The following LAMA5 variants were observed in gnomAD, a reference collection of about 807,000 sequenced individuals.
LAMA5 encodes the protein laminin subunit alpha 5.
A neutral mutation model predicts 433.4 loss-of-function variants in LAMA5; 260 were observed. The ratio of observed to expected loss-of-function variants is 0.60; its 90% CI spans 0.54 to 0.66. LAMA5 has a LOEUF of 0.66. Ranked by LOEUF, LAMA5 falls within the 30% of genes least tolerant of loss-of-function variation. LAMA5 has a pLI of 0.00. For synonymous variants in LAMA5, 2,620 were observed against 2,226.6 expected, an observed-to-expected ratio of 1.18 and a Z score of -4.97; for missense variants, 5,378 against 5,258.5, an observed-to-expected ratio of 1.02 and a Z score of -0.70.
In LAMA5 at chr20:62,310,765, TGGCTCCAGGCCCG is replaced by T. The variant is rs1238045449; in HGVS notation, c.10333_10345del (p.Ala3446ArgfsTer34). The T allele has an allele frequency of 6.4e-7, 1 of 1,563,966 alleles. No individual in the cohort carries two copies. The highest frequency in any genetic ancestry group is 1.4e-5 in the African/African-American group (1 of 73,844). ...CTGGTGCTGCCGGTGCGGCCCCTCC[TGGCTCCAGGCCCG>T]GGCCCCGTCCGTCACCAGCAGGATC... On this transcript the variant is annotated frameshift_variant, in exon 75 of 80. Coordinates refer to ENST00000252999, the MANE Select transcript of LAMA5 (RefSeq NM_005560.6). LOFTEE classifies it high-confidence loss of function.
Position 62,318,853 on chromosome 20 carries a change from T to G in LAMA5, c.7032A>C (p.Ala2344=). 1 of 1,610,266 alleles carries G rather than the reference T, an allele frequency of 6.2e-7. No homozygotes were observed. The highest frequency in any genetic ancestry group is 1.7e-5 in the Admixed American group (1 of 59,896). The change falls in exon 52 of 80, where the codon GCA becomes GCC. Residue 2344 remains alanine, a synonymous_variant. Transcript: ENST00000252999. The part of the protein sequence containing the change: ...PQAAAEAELA[A]AQRLLARVQE... Reference sequence around the variant, plus strand: ...GACAACACCACTCACATCTCTGTGCTGCAGCCAACTCAGCCTCAGCTGCTG... The same window carrying G: ...GACAACACCACTCACATCTCTGTGCGGCAGCCAACTCAGCCTCAGCTGCTG...
chr20:62,365,369 A>AT (rs1243051258), intron 1 of LAMA5, among the ~76,000 whole-genome samples: 1 of 152,224 alleles, frequency 6.6e-6, no homozygotes, highest in East Asian at 1.9e-4. Flanking sequence ...GGGAAGCCAC[A>AT]CAGCTGAGGC....
chr20:62,317,395 G>A lies in LAMA5; in HGVS notation c.7461C>T (p.Ala2487=), dbSNP rs758018323. The A allele has an allele frequency of 2.6e-5, 42 of 1,610,070 alleles. No homozygotes were observed. Among genetic ancestry groups the A allele is most frequent in the Middle Eastern group, 1.7e-4 (1 of 6,012 alleles). ...PAGSKLRLVE[A]AEAHAQQLGQ... The stretch of plus-strand genomic sequence containing the variant: ...CCAGCTGCTGTGCGTGGGCCTCGGC[G>A]GCCTCCACTAGACGCAGCTTGCTGC... The change falls in exon 55 of 80, where the codon GCC becomes GCT. Residue 2487 remains alanine (A), a synonymous_variant. Coordinates refer to ENST00000252999, the MANE Select transcript of LAMA5 (RefSeq NM_005560.6).
In LAMA5 at chr20:62,309,110, A is replaced by C. The variant is rs747774573; in HGVS notation, c.*226T>G. 62 of 605,032 alleles carry C rather than the reference A, an allele frequency of 1.0e-4. 1 individual carries two copies. The highest frequency in any genetic ancestry group is 1.5e-4 in the Non-Finnish European group (52 of 357,880). 37.5% of individuals were successfully genotyped at this position (605,032 alleles called of 1,614,324 possible). The stretch of plus-strand genomic sequence containing the variant: ...AATTTTTAAGGAGGAACCAGTGATG[A>C]TTGGTGACAAATCTCTCACAATTAA... On this transcript the variant is annotated 3_prime_UTR_variant, in exon 80 of 80. Coordinates refer to ENST00000252999, the MANE Select transcript of LAMA5 (RefSeq NM_005560.6).
At chr20:62,352,408 T>C (rs1453478008) in intron 3 of LAMA5, 48 bp from the exon 4 acceptor site, 1 of 1,497,562 alleles carries the variant, frequency 6.7e-7, no homozygotes, top group Non-Finnish European at 9.1e-7. Context: ...CAGAAAAGCC[T>C]GGGTCCCCGC....
chr20:62,362,608 C>T, intron 1 of LAMA5, 56 bp from the exon 2 acceptor site: 1 of 1,387,330 alleles, frequency 7.2e-7, no homozygotes, highest in East Asian at 2.8e-5. Context: ...CCCCTTCCTC[C>T]TCCACAGTCA....
chr20:62,314,588 C>A lies in LAMA5; in HGVS notation c.8334G>T (p.Glu2778Asp), dbSNP rs367967466. ...GPEPEPGQGTEDRFVMYMGSR... is the reference protein window; with the variant it reads ...GPEPEPGQGTDDRFVMYMGSR... The stretch of plus-strand genomic sequence containing the variant: ...TGCCCATGTACATCACAAAGCGATC[C>A]TCGGTACCCTGCCCAGGCTCAGGCT... The change falls in exon 61 of 80, where the codon GAG becomes GAT. Residue 2778 changes from glutamate (E) to aspartate (D), a missense_variant. Transcript: ENST00000252999. 1 of 1,611,744 alleles carries A rather than the reference C, an allele frequency of 6.2e-7. No individual in the cohort carries two copies. The highest frequency in any genetic ancestry group is 1.3e-5 in the African/African-American group (1 of 74,912).
chr20:62,320,822 G>C lies in LAMA5; in HGVS notation c.6565C>G (p.His2189Asp). 6.2e-7 allele frequency: 1 copy of C among 1,612,668 alleles called. No individual in the cohort carries two copies. Among genetic ancestry groups the C allele is most frequent in the Non-Finnish European group, 8.5e-7 (1 of 1,179,894 alleles). The change falls in exon 49 of 80, where the codon CAC (histidine) becomes GAC (aspartate). Residue 2189 changes from histidine to aspartate, a missense_variant. Physicochemically the swap from His to Asp is moderately conservative, Grantham distance 81 (BLOSUM62 -1). Coordinates refer to ENST00000252999, the MANE Select transcript of LAMA5 (RefSeq NM_005560.6). Reference protein sequence around the residue: ...ERAGALLPAIHEQLRGINASS... With the variant: ...ERAGALLPAIDEQLRGINASS... ...GCATTGATGCCACGCAGTTGCTCGT[G>C]AATGGCGGGGAGGAGGGCGCCGGCC...
chr20:62,329,854 C>T lies in LAMA5; in HGVS notation c.4042G>A (p.Gly1348Ser). Reference sequence around the variant, plus strand: ...TGGGTCACGTCCAGCAGGGCCTGGCCCTCACACACCACCAGGGTGCGGCAG... The same window carrying T: ...TGGGTCACGTCCAGCAGGGCCTGGCTCTCACACACCACCAGGGTGCGGCAG... ...YGCRTLVVCE[G>S]QALLDVTHSE... Residue 1348 changes from glycine to serine, a missense_variant, in exon 32 of 80, where the codon GGC becomes AGC. Coordinates refer to ENST00000252999, the MANE Select transcript of LAMA5 (RefSeq NM_005560.6). The T allele has an allele frequency of 6.2e-7, 1 of 1,612,462 alleles. No individual in the cohort carries two copies. Among genetic ancestry groups the T allele is most frequent in the Non-Finnish European group, 8.5e-7 (1 of 1,179,858 alleles).
At position 62,312,005 on chromosome 20, in the gene LAMA5, G is replaced by C; in HGVS notation, c.9550C>G (p.Gln3184Glu). The C allele has an allele frequency of 1.9e-6, 3 of 1,612,726 alleles. No individual in the cohort carries two copies. The highest frequency in any genetic ancestry group is 1.7e-6 in the Non-Finnish European group (2 of 1,179,920). ...VSLQQGRVSL[Q>E]LLRTEVKTQA... ...GTTTTCACTTCAGTCCTCAGGAGCTGTAGGCTCACACGGCCCTGCTGCAGG... is the reference window on the plus strand; with the variant it reads ...GTTTTCACTTCAGTCCTCAGGAGCTCTAGGCTCACACGGCCCTGCTGCAGG... The change falls in exon 70 of 80, where the codon CAG becomes GAG. Residue 3184 changes from glutamine to glutamate, a missense_variant. Coordinates refer to ENST00000252999, the MANE Select transcript of LAMA5 (RefSeq NM_005560.6).
intron 57 of LAMA5, 115 bp from the exon 58 acceptor site, chr20:62,316,173 G>A (rs565379824): frequency 1.4e-6 from 1 of 702,764 alleles, no homozygotes; most frequent in African/African-American, 1.8e-5. Flanking sequence ...CAGACAGATG[G>A]ACAGGGACAC....
rs770353037 is a variant in LAMA5 at position 62,346,745 on chromosome 20, C to A, written c.1128G>T (p.Arg376=). 2.5e-6 allele frequency: 4 copies of A among 1,613,150 alleles called. No homozygotes were observed. The highest frequency in any genetic ancestry group is 3.4e-6 in the Non-Finnish European group (4 of 1,179,908). ...TDCYYDPEVD[R]RRASQSLDGT... is the part of the protein sequence containing the mutation. ...CATCCAGGCTCTGGCTGGCGCGGCG[C>A]CGGTCCACCTCAGGGTCGTAGTAAC... is the stretch of plus-strand genomic sequence containing the variant. Residue 376 remains arginine, a synonymous_variant, in exon 8 of 80, where the codon CGG becomes CGT. Transcript: ENST00000252999.
chr20:62,327,882 CCT>C lies in LAMA5; in HGVS notation c.4779_4780del (p.Gly1594AlafsTer5). The stretch of plus-strand genomic sequence containing the variant: ...CTCACTCACCTTACAGTAGCACTGC[CCT>C]GTGAGGGGGTCACACACGCCAGGCG... On this transcript the variant is annotated frameshift_variant, in exon 36 of 80. Coordinates refer to ENST00000252999, the MANE Select transcript of LAMA5 (RefSeq NM_005560.6). LOFTEE classifies it high-confidence loss of function. 1 of 1,610,110 alleles carries C rather than the reference CCT, an allele frequency of 6.2e-7. No individual in the cohort carries two copies. The highest frequency in any genetic ancestry group is 8.5e-7 in the Non-Finnish European group (1 of 1,178,988).
In LAMA5 at chr20:62,310,512, C is replaced by T. The variant is rs759831616; in HGVS notation, c.10507G>A (p.Ala3503Thr). The T allele has an allele frequency of 1.3e-6, 2 of 1,555,174 alleles. No homozygotes were observed. The highest frequency in any genetic ancestry group is 1.2e-5 in the South Asian group (1 of 80,122). Residue 3503 changes from alanine (A) to threonine (T), a missense_variant, in exon 76 of 80, where the codon GCC (alanine) becomes ACC (threonine). Transcript: ENST00000252999. ...GTGACCCCTGCCATCCGTGTGGGGG[C>T]CCCCAGGGGCCTCCCGTGCAGCCTC... ...RLRLHGRPLG[A>T]PTRMAGVTPC... is the part of the protein sequence containing the mutation.
At position 62,313,253 on chromosome 20, in the gene LAMA5, G is replaced by A; in HGVS notation, c.8793-3C>T. On this transcript the variant is annotated splice_region_variant and splice_polypyrimidine_tract_variant and intron_variant, in intron 64 of 79. Transcript: ENST00000252999. ...ACGGGTCCCCGGTCGACTTGGAGCT[G>A]CAGGTCGGAGATTCTGGGGTCAGCG... The A allele has an allele frequency of 6.5e-7, 1 of 1,540,140 alleles. No homozygotes were observed. The highest frequency in any genetic ancestry group is 2.5e-5 in the East Asian group (1 of 40,666).
rs374679404 is a variant in LAMA5 at position 62,310,030 on chromosome 20, G to C, written c.10786C>G (p.Arg3596Gly). Residue 3596 changes from arginine to glycine, a missense_variant, in exon 78 of 80, where the codon CGC becomes GGC. Transcript: ENST00000252999. ...GAGEFSTSVT[R>G]PSVLCDGQWH... ...TGGCCATCACACAGCACTGAGGGGC[G>C]GGTCACTGACGTGGAGAACTCCCCT... is the stretch of plus-strand genomic sequence containing the variant. 3 of 1,611,326 alleles carry C rather than the reference G, an allele frequency of 1.9e-6. No individual in the cohort carries two copies. Among genetic ancestry groups the C allele is most frequent in the Non-Finnish European group, 1.7e-6 (2 of 1,179,752 alleles).
rs1984337946 is a variant in LAMA5 at position 62,351,771 on chromosome 20, C to T, written c.889G>A (p.Gly297Arg). The T allele has an allele frequency of 6.2e-7, 1 of 1,610,844 alleles. No homozygotes were observed. Among genetic ancestry groups the T allele is most frequent in the Non-Finnish European group, 8.5e-7 (1 of 1,179,492 alleles). ...TGGCCGTGGCAGACACAGCGGCCTCCGATGCTGATATCCTTGATGCTGTAA... is the reference window on the plus strand; with the variant it reads ...TGGCCGTGGCAGACACAGCGGCCTCTGATGCTGATATCCTTGATGCTGTAA... Reference protein sequence around the residue: ...YYYSIKDISIGGRCVCHGHAD... With the variant: ...YYYSIKDISIRGRCVCHGHAD... The change falls in exon 6 of 80, where the codon GGA (glycine) becomes AGA (arginine). Residue 297 changes from glycine to arginine, a missense_variant. Gly to Arg is a moderately radical substitution (Grantham distance 125). Coordinates refer to ENST00000252999, the MANE Select transcript of LAMA5 (RefSeq NM_005560.6).
intron 50 of LAMA5, among the ~76,000 whole-genome samples, chr20:62,320,187 G>A (rs918680018): frequency 2.9e-4 from 44 of 151,772 alleles, no homozygotes; most frequent in Admixed American, 9.9e-4. Context: ...GCGTGGTGGC[G>A]TGTGCCTGTA....
chr20:62,329,763 C>T lies in LAMA5; in HGVS notation c.4119+14G>A, dbSNP rs772777447. 6.8e-6 allele frequency: 11 copies of T among 1,611,818 alleles called. No homozygotes were observed. The highest frequency in any genetic ancestry group is 1.6e-4 in the Middle Eastern group (1 of 6,080). The stretch of plus-strand genomic sequence containing the variant: ...GACAGCTGGTCCCTGAGCAGGACAT[C>T]AGCTGGGACTCACCAGCCAGAGCCA... On this transcript the variant is annotated intron_variant, in intron 32 of 79. Coordinates refer to ENST00000252999, the MANE Select transcript of LAMA5 (RefSeq NM_005560.6).
Sources: gnomAD v4.1 joint callset for allele counts (sites outside exome capture counted in the v4.1 genomes callset) on GRCh38, gnomAD v4.1.1 for gene constraint, MANE v1.5 for transcripts, NCBI Gene and HGNC (gene_info 2026-07-23, HGNC 2026-07-21) for gene names.